Variants in SLC9A8 observed in about 807,000 individuals in gnomAD.
The protein encoded by SLC9A8 is solute carrier family 9 member A8.
In SLC9A8, 48 loss-of-function variants were observed where a neutral mutation model predicts 66.6. That is an observed-to-expected ratio of 0.72 (90% CI 0.57 to 0.92). The LOEUF is 0.92. Among genes scored for constraint, SLC9A8 ranks in the 40% least tolerant of loss-of-function variants. The pLI is 0.00. For synonymous variants in SLC9A8, 274 were observed against 282.6 expected (o/e 0.97, Z 0.31); for missense variants, 599 against 747.3 (o/e 0.80, Z 2.31).
chr20:49,834,282 A>G (rs1487284101), intron 3 of SLC9A8, among the ~76,000 whole-genome samples: 3 of 142,370 alleles, frequency 2.1e-5, no homozygotes. Flanking sequence ...TACACACAGT[A>G]TATGTATATA....
At chr20:49,840,813 ATT>A (rs982393231) in intron 4 of SLC9A8, among the ~76,000 whole-genome samples, 4 of 152,098 alleles carry the variant, frequency 2.6e-5, no homozygotes, top group African/African-American at 9.7e-5. Flanking sequence ...GTTTGATCTG[ATT>A]TAAAAATCAT....
At chr20:49,869,412 CAG>C (rs995858315) in intron 10 of SLC9A8, among the ~76,000 whole-genome samples, 6 of 151,576 alleles carry the variant, frequency 4.0e-5, no homozygotes, top group Non-Finnish European at 7.4e-5. Flanking sequence ...TTAGTAGAGA[CAG>C]GGTTTCACCA....
chr20:49,835,796 C>A (rs2087511475), intron 3 of SLC9A8, among the ~76,000 whole-genome samples: 1 of 144,220 alleles, frequency 6.9e-6, no homozygotes, highest in African/African-American at 2.7e-5. Flanking sequence ...AGCGATTTTC[C>A]TGCCTCAGCC....
intron 7 of SLC9A8, among the ~76,000 whole-genome samples, chr20:49,851,648 A>C (rs1170654724): frequency 6.6e-6 from 1 of 152,026 alleles, no homozygotes; most frequent in African/African-American, 2.4e-5. Context: ...GAATCTGGGA[A>C]CCCTTTTCAT....
At chr20:49,823,292 C>A in intron 3 of SLC9A8, 151 bp downstream of exon 3, 1 of 702,124 alleles carries the variant, frequency 1.4e-6, no homozygotes. Flanking sequence ...TGCTATGATC[C>A]CATTTTACAG....
chr20:49,832,371 C>A (rs1036801804), intron 3 of SLC9A8, among the ~76,000 whole-genome samples: 2 of 152,062 alleles, frequency 1.3e-5, no homozygotes, highest in Non-Finnish European at 2.9e-5. Flanking sequence ...ACTGACTGAC[C>A]CTCTGGGGTG....
chr20:49,873,310 C>T (rs2089282879), intron 10 of SLC9A8, among the ~76,000 whole-genome samples: 1 of 151,410 alleles, frequency 6.6e-6, no homozygotes, highest in Non-Finnish European at 1.5e-5. Flanking sequence ...TAGTGAAACC[C>T]CATCTCTACA....
chr20:49,837,177 C>T (rs2087570123), intron 3 of SLC9A8, among the ~76,000 whole-genome samples: 2 of 152,154 alleles, frequency 1.3e-5, no homozygotes, highest in Admixed American at 1.3e-4. Context: ...CTGGAAGCCC[C>T]CTCCCTGCTT....
chr20:49,884,010 G>A lies in SLC9A8; in HGVS notation c.1435G>A (p.Ala479Thr), dbSNP rs769752820. The A allele has an allele frequency of 8.7e-6, 14 of 1,613,482 alleles. No individual in the cohort carries two copies. Among genetic ancestry groups the A allele is most frequent in the African/African-American group, 6.7e-5 (5 of 74,808 alleles). Residue 479 changes from alanine to threonine, a missense_variant, in exon 14 of 16, where the codon GCC becomes ACC. Around this residue, in one of 2 missense-constraint regions of SLC9A8, gnomAD observed 467 missense variants for 626.5 expected, o/e 0.75. Coordinates refer to ENST00000361573, the MANE Select transcript of SLC9A8 (RefSeq NM_015266.3). ...PLIRLMDIED[A>T]KAHRRNKKDV... The stretch of plus-strand genomic sequence containing the variant: ...CATTCGCCTCATGGACATCGAGGAC[G>A]CCAAGGCACACCGCAGGAACAAGAA...
At chr20:49,813,456 T>C (rs1023913405) in intron 1 of SLC9A8, among the ~76,000 whole-genome samples, 3 of 152,238 alleles carry the variant, frequency 2.0e-5, no homozygotes, top group Admixed American at 6.5e-5. Context: ...AGCCGCTCTC[T>C]GGGAGCTTCC....
At chr20:49,851,279 G>GGGCCAAGACCTCTATTGTGGTTATTGTA (rs1301448746) in intron 7 of SLC9A8, among the ~76,000 whole-genome samples, 17 of 152,334 alleles carry the variant, frequency 1.1e-4, no homozygotes, top group South Asian at 2.1e-4. Context: ...GGGGGAAGCA[G>GGGCCAAGACCTCTATTGTGGTTATTGTA]GGCCAAGACC....
At chr20:49,872,774 C>T (rs551643650) in intron 10 of SLC9A8, among the ~76,000 whole-genome samples, 7 of 152,264 alleles carry the variant, frequency 4.6e-5, no homozygotes, top group Admixed American at 3.9e-4. Flanking sequence ...CATGAGCCAC[C>T]GCGCCCGGCC....
chr20:49,813,593 C>T (rs1336368887), intron 1 of SLC9A8, among the ~76,000 whole-genome samples: 1 of 152,168 alleles, frequency 6.6e-6, no homozygotes, highest in Non-Finnish European at 1.5e-5. Flanking sequence ...TATCCTACTG[C>T]TCAAGGTCAT....
intron 7 of SLC9A8, among the ~76,000 whole-genome samples, chr20:49,854,024 T>G (rs1423749101): frequency 1.3e-5 from 2 of 152,162 alleles, no homozygotes; most frequent in Non-Finnish European, 2.9e-5. Flanking sequence ...CTTTTCCCCC[T>G]AGACCCAGGC....
At chr20:49,813,919 C>A (rs946744623) in intron 1 of SLC9A8, among the ~76,000 whole-genome samples, 1 of 152,120 alleles carries the variant, frequency 6.6e-6, no homozygotes, top group Non-Finnish European at 1.5e-5. Flanking sequence ...TACTTTTGGG[C>A]AAGTCCAAAA....
At position 49,815,086 on chromosome 20, in the gene SLC9A8, C is replaced by T. The variant is rs1600613483; in HGVS notation, c.105C>T (p.Leu35=). The T allele has an allele frequency of 6.2e-7, 1 of 1,609,134 alleles. No homozygotes were observed. Among genetic ancestry groups the T allele is most frequent in the Non-Finnish European group, 8.5e-7 (1 of 1,177,952 alleles). The change falls in exon 2 of 16, where the codon CTC becomes CTT. Residue 35 remains leucine, a synonymous_variant. Coordinates refer to ENST00000361573, the MANE Select transcript of SLC9A8 (RefSeq NM_015266.3). Reference sequence around the variant, plus strand: ...TGGTTGTCACGACGAAACTGGTGCTCCCGACCCCTGGCAAGCCCATCCTCC... The same window carrying T: ...TGGTTGTCACGACGAAACTGGTGCTTCCGACCCCTGGCAAGCCCATCCTCC... The part of the protein sequence containing the change: ...TTLVVTTKLV[L]PTPGKPILPV...
chr20:49,864,555 A>T (rs142878218), intron 9 of SLC9A8, among the ~76,000 whole-genome samples, 184 bp from the exon 10 acceptor site: 1 of 152,188 alleles, frequency 6.6e-6, no homozygotes, highest in East Asian at 1.9e-4. Context: ...TCCCTTTCTT[A>T]TAGCAACAGT....
chr20:49,868,737 A>G (rs932567667), intron 10 of SLC9A8, among the ~76,000 whole-genome samples: 1 of 152,156 alleles, frequency 6.6e-6, no homozygotes, highest in Admixed American at 6.5e-5. Flanking sequence ...TCCTCATTAT[A>G]AAATAGACAA....
At chr20:49,832,229 A>G (rs2087233522) in intron 3 of SLC9A8, among the ~76,000 whole-genome samples, 1 of 152,066 alleles carries the variant, frequency 6.6e-6, no homozygotes, top group Non-Finnish European at 1.5e-5. Context: ...CAGCCTGACC[A>G]ACGATAAGCA....
Sources: gnomAD v4.1 joint callset for allele counts (sites outside exome capture counted in the v4.1 genomes callset) on GRCh38, gnomAD v4.1.1 for gene constraint, gnomAD v4.1.1 regional missense constraint, MANE v1.5 for transcripts, NCBI Gene and HGNC (gene_info 2026-07-23, HGNC 2026-07-21) for gene names.